LRMDA: variants seen among roughly 807,000 people sequenced by gnomAD.
LRMDA encodes leucine-rich melanocyte differentiation-associated protein.
LRMDA carries 18 observed loss-of-function variants against 29.8 expected under a neutral mutation model. The observed-to-expected ratio is 0.60, with a 90% CI of 0.42 to 0.90. The LOEUF (loss-of-function observed/expected upper bound fraction) is 0.90, where lower values mean the gene tolerates loss of function less well. Among genes scored for constraint, LRMDA ranks in the 40% least tolerant of loss-of-function variants. The pLI, the probability that LRMDA is intolerant of heterozygous loss-of-function variation, is 0.00. For synonymous variants in LRMDA, 125 were observed against 109.4 expected, an observed-to-expected ratio of 1.14 and a Z score of -0.89; for missense variants, 273 against 273.9, an observed-to-expected ratio of 1.00 and a Z score of 0.02.
At position 75,577,497 on chromosome 10, in the gene LRMDA, C is replaced by A. The variant is rs192929722; in HGVS notation, c.131+139003C>A. On this transcript the variant is annotated intron_variant, in intron 2 of 6. Transcript: ENST00000611255. ...TATTATCCAGGAGAACTTCTCCAAC[C>A]TAGTAAGGCAGGCCAACATTCAATT... Among the ~76,000 whole-genome samples, 177 of 152,280 alleles carry A rather than the reference C, an allele frequency of 1.2e-3. 1 individual carries two copies. Among genetic ancestry groups the A allele is most frequent in the African/African-American group, 4.1e-3 (172 of 41,546 alleles).
intron 3 of LRMDA, among the ~76,000 whole-genome samples, chr10:76,046,596 T>C (rs11001598): frequency 0.37 from 55,568 of 152,056 alleles, 11,388 homozygotes; most frequent in Non-Finnish European, 0.45. Flanking sequence ...GCGATTCTCC[T>C]GCCTCAGCTT....
At chr10:75,535,411 G>A (rs1004847767) in intron 2 of LRMDA, among the ~76,000 whole-genome samples, 8 of 151,434 alleles carry the variant, frequency 5.3e-5, no homozygotes, top group South Asian at 4.2e-4. Context: ...TTCTCTAGTC[G>A]TCCTTTTATG....
chr10:76,494,550 G>C (rs1842864424), intron 6 of LRMDA, among the ~76,000 whole-genome samples: 1 of 151,502 alleles, frequency 6.6e-6, no homozygotes, highest in Non-Finnish European at 1.5e-5. Context: ...GGTGTTTGTA[G>C]TCTTTCTCAA....
chr10:75,508,225 C>T (rs115753922), intron 2 of LRMDA, among the ~76,000 whole-genome samples: 146 of 151,492 alleles, frequency 9.6e-4, no homozygotes, highest in African/African-American at 3.4e-3. Context: ...TTGATACAAG[C>T]CCTTGGTTGC....
intron 2 of LRMDA, among the ~76,000 whole-genome samples, chr10:75,966,745 G>A (rs1402293358): frequency 6.6e-6 from 1 of 152,210 alleles, no homozygotes; most frequent in Non-Finnish European, 1.5e-5. Flanking sequence ...AGATTCTTGA[G>A]TTCAAATCAT....
chr10:75,807,077 G>A (rs1023863757), intron 2 of LRMDA, among the ~76,000 whole-genome samples: 1 of 152,146 alleles, frequency 6.6e-6, no homozygotes, highest in African/African-American at 2.4e-5. Context: ...TGGAATCCCT[G>A]TGGGGGGTGA....
intron 6 of LRMDA, among the ~76,000 whole-genome samples, chr10:76,455,833 C>T (rs1177249156): frequency 1.3e-5 from 2 of 151,990 alleles, no homozygotes; most frequent in African/African-American, 4.8e-5. Flanking sequence ...GGAGAAAGCC[C>T]CTGAATAATG....
intron 2 of LRMDA, among the ~76,000 whole-genome samples, chr10:76,035,253 C>A (rs1848221100): frequency 6.6e-6 from 1 of 151,984 alleles, no homozygotes; most frequent in South Asian, 2.1e-4. Flanking sequence ...AGGCCAGGAG[C>A]TTTGAAGCAG....
chr10:75,881,179 A>G (rs1845287814), intron 2 of LRMDA, among the ~76,000 whole-genome samples: 1 of 152,166 alleles, frequency 6.6e-6, no homozygotes, highest in African/African-American at 2.4e-5. Context: ...ATACATACAT[A>G]TTTAGCAATG....
At chr10:75,627,573 G>T (rs187313154) in intron 2 of LRMDA, among the ~76,000 whole-genome samples, 1 of 152,274 alleles carries the variant, frequency 6.6e-6, no homozygotes, top group Non-Finnish European at 1.5e-5. Flanking sequence ...CTCCACAGAA[G>T]GTCAGTGAGA....
At chr10:75,746,570 T>C (rs368134644) in intron 2 of LRMDA, among the ~76,000 whole-genome samples, 1 of 152,188 alleles carries the variant, frequency 6.6e-6, no homozygotes, top group Non-Finnish European at 1.5e-5. Flanking sequence ...TGTCAGAGGG[T>C]TTGATGATTC....
intron 2 of LRMDA, among the ~76,000 whole-genome samples, chr10:75,866,663 G>A (rs1291152389): frequency 1.3e-5 from 2 of 152,162 alleles, no homozygotes; most frequent in African/African-American, 2.4e-5. Flanking sequence ...CCACTGCTGA[G>A]GATCTTGTTT....
chr10:75,581,000 T>C (rs764443578), intron 2 of LRMDA, among the ~76,000 whole-genome samples: 46 of 152,302 alleles, frequency 3.0e-4, no homozygotes, highest in Non-Finnish European at 5.6e-4. Context: ...ATTCAGGACA[T>C]AGGCATGGGC....
At chr10:75,828,741 T>C (rs868502248) in intron 2 of LRMDA, among the ~76,000 whole-genome samples, 8 of 152,202 alleles carry the variant, frequency 5.3e-5, no homozygotes, top group African/African-American at 1.9e-4. Context: ...TATTTTTACA[T>C]CCTAAAGTAA....
At chr10:75,599,474 A>C (rs985966275) in intron 2 of LRMDA, among the ~76,000 whole-genome samples, 2 of 152,188 alleles carry the variant, frequency 1.3e-5, no homozygotes, top group African/African-American at 4.8e-5. Context: ...GTAGGGTGAG[A>C]GGTACATGCT....
chr10:75,517,219 T>G (rs558049133), intron 2 of LRMDA, among the ~76,000 whole-genome samples: 1 of 152,274 alleles, frequency 6.6e-6, no homozygotes, highest in East Asian at 1.9e-4. Flanking sequence ...TAAAGTAGTT[T>G]TTTCCAAATC....
chr10:76,438,800 G>A (rs1237374805), intron 6 of LRMDA: 4 of 152,070 alleles, frequency 2.6e-5, no homozygotes, highest in Non-Finnish European at 5.9e-5. Context: ...TTCTCATGCC[G>A]TTTCATAAAT....
intron 2 of LRMDA, among the ~76,000 whole-genome samples, chr10:75,996,412 C>G (rs1318320151): frequency 1.3e-5 from 2 of 152,138 alleles, no homozygotes; most frequent in Non-Finnish European, 2.9e-5. Context: ...TTTATGACCC[C>G]TCTTCTTCAG....
chr10:75,738,305 C>A (rs1437419957), intron 2 of LRMDA, among the ~76,000 whole-genome samples: 1 of 152,084 alleles, frequency 6.6e-6, no homozygotes, highest in Non-Finnish European at 1.5e-5. Flanking sequence ...GTCATCCAAG[C>A]CAGTCTCTCC....
Sources: gnomAD v4.1 joint callset for allele counts (sites outside exome capture counted in the v4.1 genomes callset) on GRCh38, gnomAD v4.1.1 for gene constraint, MANE v1.5 for transcripts, NCBI Gene and HGNC (gene_info 2026-07-23, HGNC 2026-07-21) for gene names.